Variants in NCOA7 observed in about 807,000 individuals in gnomAD.
NCOA7 encodes the protein 140 kDa estrogen receptor-associated protein.
Under a neutral mutation model 104.3 loss-of-function variants are expected in NCOA7, and 45 were observed. That is an observed-to-expected ratio of 0.43 (90% confidence interval 0.34 to 0.55). The LOEUF (loss-of-function observed/expected upper bound fraction) is 0.55. Ranked by LOEUF, NCOA7 falls within the 20% of genes least tolerant of loss-of-function variation. The pLI is 0.02. For synonymous variants in NCOA7, 398 were observed against 402.3 expected, an observed-to-expected ratio of 0.99 and a Z score of 0.13; for missense variants, 1,041 against 1,119.7, an observed-to-expected ratio of 0.93 and a Z score of 1.00.
intron 1 of NCOA7, among the ~76,000 whole-genome samples, chr6:125,803,509 A>T (rs149948926): frequency 0.01 from 1,594 of 152,366 alleles, 23 homozygotes; most frequent in Non-Finnish European, 0.017. Flanking sequence ...AGGAGTAAGC[A>T]TAAGTTGTTT....
At chr6:125,856,156 G>T (rs1245753465) in intron 3 of NCOA7, among the ~76,000 whole-genome samples, 1 of 152,100 alleles carries the variant, frequency 6.6e-6, no homozygotes, top group Non-Finnish European at 1.5e-5. Flanking sequence ...TGGCATACAG[G>T]TTATGGCATA....
intron 1 of NCOA7, among the ~76,000 whole-genome samples, chr6:125,804,684 T>A: frequency 6.6e-6 from 1 of 152,318 alleles, no homozygotes; most frequent in East Asian, 1.9e-4. Context: ...GGTAGAAATG[T>A]TATAGAACTA....
intron 1 of NCOA7, among the ~76,000 whole-genome samples, chr6:125,803,894 C>G (rs1220646305): frequency 1.3e-5 from 2 of 152,128 alleles, no homozygotes; most frequent in Non-Finnish European, 2.9e-5. Context: ...AAAGTAGCCC[C>G]CAACAAATAG....
At chr6:125,846,929 TC>T (rs1780667070) in intron 2 of NCOA7, among the ~76,000 whole-genome samples, 1 of 152,244 alleles carries the variant, frequency 6.6e-6, no homozygotes, top group South Asian at 2.1e-4. Context: ...GGTTCCTTAG[TC>T]AACTTAGTAG....
chr6:125,861,924 C>G (rs1188547603), intron 3 of NCOA7, among the ~76,000 whole-genome samples: 1 of 143,520 alleles, frequency 7.0e-6, no homozygotes, highest in Non-Finnish European at 1.5e-5. Context: ...GTAATTCCAG[C>G]TACTCAGGAG....
intron 5 of NCOA7, among the ~76,000 whole-genome samples, chr6:125,878,925 A>G (rs1332823040): frequency 4.6e-5 from 7 of 152,180 alleles, no homozygotes; most frequent in Non-Finnish European, 1.0e-4. Context: ...ACCTCTCTTT[A>G]CAGTGCAGTC....
intron 2 of NCOA7, among the ~76,000 whole-genome samples, chr6:125,822,694 G>A (rs998463326): frequency 2.0e-5 from 3 of 152,112 alleles, no homozygotes; most frequent in African/African-American, 7.2e-5. Context: ...CAGCACTTTG[G>A]GAGGCTGAGG....
At chr6:125,870,416 T>A (rs1284444132) in intron 3 of NCOA7, among the ~76,000 whole-genome samples, 5 of 152,212 alleles carry the variant, frequency 3.3e-5, no homozygotes, top group Non-Finnish European at 7.3e-5. Context: ...ACCACCTTCC[T>A]TTTTTCCATG....
chr6:125,839,346 G>A (rs1439785482), intron 2 of NCOA7, among the ~76,000 whole-genome samples: 1 of 152,158 alleles, frequency 6.6e-6, no homozygotes, highest in African/African-American at 2.4e-5. Context: ...TTGAACTCCT[G>A]ATTCAAGTAA....
At chr6:125,809,505 C>T (rs901657396) in intron 1 of NCOA7, among the ~76,000 whole-genome samples, 31 of 152,120 alleles carry the variant, frequency 2.0e-4, no homozygotes, top group African/African-American at 7.2e-4. Context: ...TTGTGGCACA[C>T]GTTTGTATCT....
At chr6:125,837,314 C>T (rs1452303577) in intron 2 of NCOA7, among the ~76,000 whole-genome samples, 2 of 152,266 alleles carry the variant, frequency 1.3e-5, no homozygotes, top group Middle Eastern at 3.4e-3. Flanking sequence ...CGTGTGTCAC[C>T]TGTGTATAAC....
intron 10 of NCOA7, among the ~76,000 whole-genome samples, chr6:125,904,479 C>T (rs1375653215): frequency 6.6e-6 from 1 of 152,198 alleles, no homozygotes; most frequent in Non-Finnish European, 1.5e-5. Context: ...CTCACTGCAG[C>T]ATCCCCCTGG....
intron 3 of NCOA7, among the ~76,000 whole-genome samples, chr6:125,859,296 G>A (rs550295062): frequency 1.2e-4 from 18 of 152,084 alleles, no homozygotes; most frequent in South Asian, 8.3e-4. Context: ...GAGGAAAGAA[G>A]ATAATGAATT....
At chr6:125,844,818 A>T (rs1433797390) in intron 2 of NCOA7, among the ~76,000 whole-genome samples, 1 of 152,170 alleles carries the variant, frequency 6.6e-6, no homozygotes, top group Non-Finnish European at 1.5e-5. Context: ...ATGTTCTCTC[A>T]TTTACTTGGA....
At chr6:125,896,104 T>G (rs2128665921) in intron 10 of NCOA7, among the ~76,000 whole-genome samples, 2 of 150,694 alleles carry the variant, frequency 1.3e-5, no homozygotes, top group South Asian at 4.2e-4. Context: ...CATTATGTTT[T>G]CTGATTGATT....
chr6:125,847,766 A>G (rs1443765436), intron 2 of NCOA7, among the ~76,000 whole-genome samples: 1 of 150,044 alleles, frequency 6.7e-6, no homozygotes, highest in Non-Finnish European at 1.5e-5. Flanking sequence ...TGTCTAAAAC[A>G]CCAAAAGCAA....
At chr6:125,838,409 A>G (rs981178715) in intron 2 of NCOA7, among the ~76,000 whole-genome samples, 28 of 152,132 alleles carry the variant, frequency 1.8e-4, no homozygotes, top group African/African-American at 5.8e-4. Flanking sequence ...TCAGATCTTT[A>G]AAGGTGTCCG....
chr6:125,880,955 A>T (rs1783774501), intron 5 of NCOA7, 135 bp from the exon 6 acceptor site: 1 of 655,076 alleles, frequency 1.5e-6, no homozygotes, highest in South Asian at 1.8e-5. Context: ...TAAGTTGCTT[A>T]TGAGTTTCTT....
chr6:125,874,162 T>A (rs556439183), intron 3 of NCOA7, among the ~76,000 whole-genome samples: 38 of 152,148 alleles, frequency 2.5e-4, no homozygotes, highest in African/African-American at 8.9e-4. Context: ...CTGTCTCTAC[T>A]AAAAATACAA....
Sources: gnomAD v4.1 joint callset for allele counts (sites outside exome capture counted in the v4.1 genomes callset) on GRCh38, gnomAD v4.1.1 for gene constraint, MANE v1.5 for transcripts, NCBI Gene and HGNC (gene_info 2026-07-23, HGNC 2026-07-21) for gene names.